Variants in PXDNL observed in about 807,000 individuals in gnomAD.
PXDNL encodes the protein probable oxidoreductase PXDNL.
A neutral mutation model predicts 150.8 loss-of-function variants in PXDNL; 145 were observed. The observed-to-expected ratio is 0.96, with a 90% confidence interval of 0.84 to 1.10. The LOEUF (loss-of-function observed/expected upper bound fraction) is 1.10. PXDNL is among the 50% of genes least tolerant of loss of function. The pLI is 0.00. For missense variants in PXDNL, 2,087 were observed against 1,873.9 expected (o/e 1.11, Z -2.10); for synonymous variants, 757 against 725.7 (o/e 1.04, Z -0.69).
At chr8:51,371,370 C>T (rs114305321) in intron 19 of PXDNL, among the ~76,000 whole-genome samples, 2,344 of 152,248 alleles carry the variant, frequency 0.015, 60 homozygotes, top group African/African-American at 0.052. Flanking sequence ...GGTTCGTAAA[C>T]GGTGATGTTG....
At chr8:51,678,551 G>GT (rs1174844025) in intron 1 of PXDNL, among the ~76,000 whole-genome samples, 6 of 150,968 alleles carry the variant, frequency 4.0e-5, no homozygotes, top group African/African-American at 1.5e-4. Context: ...AAAATGATGA[G>GT]TTCATGTCCT....
intron 21 of PXDNL, among the ~76,000 whole-genome samples, chr8:51,334,590 G>C (rs1350392611): frequency 2.0e-5 from 3 of 152,122 alleles, no homozygotes; most frequent in Non-Finnish European, 4.4e-5. Context: ...ACCAAGAAAA[G>C]AAGAGAGAGA....
At chr8:51,734,015 A>G (rs1324508034) in intron 1 of PXDNL, among the ~76,000 whole-genome samples, 1 of 151,930 alleles carries the variant, frequency 6.6e-6, no homozygotes, top group East Asian at 1.9e-4. Flanking sequence ...AACTCTAGAC[A>G]TCATTGACTT....
At chr8:51,403,248 A>C (rs1398672576) in intron 17 of PXDNL, among the ~76,000 whole-genome samples, 1 of 152,196 alleles carries the variant, frequency 6.6e-6, no homozygotes, top group Non-Finnish European at 1.5e-5. Flanking sequence ...CAAGAAAAAA[A>C]TGAAAAAAAG....
At chr8:51,705,519 G>A (rs1385836298) in intron 1 of PXDNL, among the ~76,000 whole-genome samples, 1 of 152,204 alleles carries the variant, frequency 6.6e-6, no homozygotes, top group Non-Finnish European at 1.5e-5. Context: ...AACTCTGAGG[G>A]AGAAGAAGGA....
At chr8:51,405,444 C>T (rs369167007) in intron 17 of PXDNL, among the ~76,000 whole-genome samples, 2 of 152,242 alleles carry the variant, frequency 1.3e-5, no homozygotes, top group Non-Finnish European at 2.9e-5. Flanking sequence ...TGTGAGGATG[C>T]GGGGCTCAAG....
At chr8:51,564,441 T>C (rs1364112610) in intron 3 of PXDNL, among the ~76,000 whole-genome samples, 3 of 151,726 alleles carry the variant, frequency 2.0e-5, no homozygotes, top group Admixed American at 6.6e-5. Context: ...TCACAGACGG[T>C]TGGTTCACAG....
chr8:51,602,068 G>T (rs1813735465), intron 2 of PXDNL, among the ~76,000 whole-genome samples: 3 of 151,738 alleles, frequency 2.0e-5, no homozygotes, highest in Admixed American at 1.3e-4. Context: ...CTCCTCACTT[G>T]CAAGGCCGTT....
intron 19 of PXDNL, among the ~76,000 whole-genome samples, chr8:51,352,835 G>A (rs1056868163): frequency 6.6e-6 from 1 of 152,176 alleles, no homozygotes; most frequent in Non-Finnish European, 1.5e-5. Flanking sequence ...ATTATCCTAA[G>A]TGAAATAACT....
intron 2 of PXDNL, among the ~76,000 whole-genome samples, chr8:51,599,022 T>C (rs891523849): frequency 3.9e-5 from 6 of 152,180 alleles, no homozygotes; most frequent in Admixed American, 3.3e-4. Flanking sequence ...TTTGTGTATA[T>C]AGAGGTGTTC....
chr8:51,333,102 C>A (rs528927325), intron 21 of PXDNL, among the ~76,000 whole-genome samples: 1 of 152,274 alleles, frequency 6.6e-6, no homozygotes, highest in East Asian at 1.9e-4. Flanking sequence ...CACCAGGTAA[C>A]CTGTAAAGGA....
rs372842246 is a variant in PXDNL, at chr8:51,408,591, G to A, written c.3033C>T (p.His1011=). The part of the protein sequence containing the change: ...ARKIVGAELQ[H]ITYSHWLPKV... ...TAGGCAGCCAGTGGCTGTAGGTGAT[G>A]TGCTGCAGCTCCGCGCCCACGATCT... The change falls in exon 17 of 23, where the codon CAC becomes CAT. Residue 1011 remains histidine (H), a synonymous_variant. Transcript: ENST00000356297. 813 of 1,612,230 alleles carry A rather than the reference G, an allele frequency of 5.0e-4. 2 individuals carry two copies. The highest frequency in any genetic ancestry group is 6.7e-4 in the Non-Finnish European group (788 of 1,179,296).
chr8:51,726,729 G>A (rs1384189457), intron 1 of PXDNL, among the ~76,000 whole-genome samples: 1 of 151,368 alleles, frequency 6.6e-6, no homozygotes, highest in Non-Finnish European at 1.5e-5. Context: ...TGAATCTGGT[G>A]TGACTCCTTT....
chr8:51,510,347 A>G (rs1811386252), intron 4 of PXDNL, among the ~76,000 whole-genome samples: 1 of 152,192 alleles, frequency 6.6e-6, no homozygotes, highest in African/African-American at 2.4e-5. Context: ...CTTACCAAAC[A>G]TGAGTTTCTG....
At chr8:51,378,920 G>T (rs1372313198) in intron 17 of PXDNL, among the ~76,000 whole-genome samples, 3 of 152,150 alleles carry the variant, frequency 2.0e-5, no homozygotes, top group Non-Finnish European at 4.4e-5. Flanking sequence ...CACGGCGAGG[G>T]TCTGCGACTT....
intron 2 of PXDNL, among the ~76,000 whole-genome samples, chr8:51,640,841 T>C (rs928883052): frequency 3.3e-5 from 5 of 151,592 alleles, no homozygotes; most frequent in Admixed American, 3.3e-4. Flanking sequence ...CTTCACAGAA[T>C]TGGAAAAAAC....
At chr8:51,636,434 T>C (rs1331777640) in intron 2 of PXDNL, among the ~76,000 whole-genome samples, 1 of 152,172 alleles carries the variant, frequency 6.6e-6, no homozygotes, top group Non-Finnish European at 1.5e-5. Flanking sequence ...GCATAATGTG[T>C]ATCTAGAAAA....
intron 21 of PXDNL, among the ~76,000 whole-genome samples, chr8:51,333,605 C>A (rs1805753363): frequency 6.6e-6 from 1 of 152,138 alleles, no homozygotes; most frequent in African/African-American, 2.4e-5. Context: ...TCAGGAGACT[C>A]ACCTCACACA....
At chr8:51,480,560 T>C (rs886927730) in intron 6 of PXDNL, among the ~76,000 whole-genome samples, 9 of 152,186 alleles carry the variant, frequency 5.9e-5, no homozygotes, top group African/African-American at 2.2e-4. Context: ...CAATTGCACA[T>C]GAGATTTAGA....
Sources: gnomAD v4.1 joint callset for allele counts (sites outside exome capture counted in the v4.1 genomes callset) on GRCh38, gnomAD v4.1.1 for gene constraint, MANE v1.5 for transcripts, NCBI Gene and HGNC (gene_info 2026-07-23, HGNC 2026-07-21) for gene names.